The following NEK9 variants were observed in gnomAD, a reference collection of about 807,000 sequenced individuals.
NEK9 encodes the protein serine/threonine-protein kinase Nek9.
In NEK9, 75 loss-of-function variants were observed where a neutral mutation model predicts 123.4. The observed-to-expected ratio is 0.61, with a 90% CI of 0.50 to 0.74. The LOEUF (loss-of-function observed/expected upper bound fraction) is 0.74, where lower values mean the gene tolerates loss of function less well. NEK9 is among the 30% of genes least tolerant of loss of function. NEK9 has a pLI of 0.00. For missense variants in NEK9, 952 were observed against 1,214.4 expected, an observed-to-expected ratio of 0.78 and a Z score of 3.21; for synonymous variants, 438 against 458.7, an observed-to-expected ratio of 0.95 and a Z score of 0.58.
intron 5 of NEK9, among the ~76,000 whole-genome samples, 169 bp downstream of exon 5, chr14:75,118,661 T>C (rs1337685037): frequency 6.6e-6 from 1 of 152,216 alleles, no homozygotes; most frequent in Non-Finnish European, 1.5e-5. Flanking sequence ...ACGTGGGCAA[T>C]GACTTAAATG....
At chr14:75,115,906 T>C (rs1895126451) in intron 6 of NEK9, among the ~76,000 whole-genome samples, 1 of 152,252 alleles carries the variant, frequency 6.6e-6, no homozygotes, top group Non-Finnish European at 1.5e-5. Context: ...AAGGGATTCA[T>C]TGTCCATAAA....
intron 14 of NEK9, among the ~76,000 whole-genome samples, chr14:75,102,272 T>A (rs1232706071): frequency 2.0e-5 from 3 of 152,236 alleles, no homozygotes. Flanking sequence ...AAGTTTAAAA[T>A]TTCACAACAA....
Position 75,126,980 on chromosome 14 carries a change from T to A in NEK9, c.-59A>T, listed in dbSNP as rs1463424314. ...GTATGCCCGGAGGCCCTGGCCGCGCTGCGTCCCGCTCGCTTCAGATGCCGG... is the reference window on the plus strand; with the variant it reads ...GTATGCCCGGAGGCCCTGGCCGCGCAGCGTCCCGCTCGCTTCAGATGCCGG... On this transcript the variant is annotated 5_prime_UTR_variant, in exon 1 of 22. Coordinates refer to ENST00000238616, the MANE Select transcript of NEK9 (RefSeq NM_033116.6). 2.2e-6 allele frequency: 3 copies of A among 1,341,048 alleles called. No homozygotes were observed. The East Asian group carries it at 9.4e-5, about 42-fold the overall frequency. The allele number at this position is 1,341,048 out of a possible 1,614,324, so 83.1% of individuals were successfully genotyped here.
intron 12 of NEK9, 141 bp downstream of exon 12, chr14:75,106,361 G>GAAAAAAAAAAAAAA (rs34426692): frequency 3.8e-6 from 1 of 262,954 alleles, no homozygotes; most frequent in Non-Finnish European, 6.5e-6. Flanking sequence ...TCTGTCTCGA[G>GAAAAAAAAAAAAAA]AAAAAAAAAA....
intron 6 of NEK9, among the ~76,000 whole-genome samples, chr14:75,114,988 CATAT>C (rs1316287017): frequency 1.3e-5 from 2 of 151,578 alleles, no homozygotes; most frequent in Non-Finnish European, 2.9e-5. Context: ...CATATATACA[CATAT>C]ATACACACAT....
intron 18 of NEK9, among the ~76,000 whole-genome samples, chr14:75,092,038 G>A (rs769560337): frequency 2.0e-5 from 3 of 152,038 alleles, no homozygotes; most frequent in Non-Finnish European, 4.4e-5. Context: ...GGAGTGCAGT[G>A]GCCCGATCTT....
rs542364402 is a variant in NEK9 at position 75,111,211 on chromosome 14, C to T, written c.939-840G>A. ...TTCTTGGCCTGGCATGCAAGATTTC[C>T]TACCTATTTTTCCAGACTTCCTTCC... On this transcript the variant is annotated intron_variant, in intron 8 of 21. Transcript: ENST00000238616. 1.2e-4 allele frequency among the ~76,000 whole-genome samples: 18 copies of T among 152,234 alleles called. No homozygotes were observed. In the South Asian group the frequency reaches 2.7e-3, roughly 23 times the overall value.
At chr14:75,096,191 G>A (rs1894375579) in intron 17 of NEK9, among the ~76,000 whole-genome samples, 1 of 150,006 alleles carries the variant, frequency 6.7e-6, no homozygotes, top group Non-Finnish European at 1.5e-5. Context: ...ACTGAGGCAG[G>A]AGAATCGCTT....
rs762726635 is a variant in NEK9 at position 75,101,150 on chromosome 14, C to T, written c.1844G>A (p.Arg615Gln). 8 of 1,613,672 alleles carry T rather than the reference C, an allele frequency of 5.0e-6. No individual in the cohort carries two copies. Among genetic ancestry groups the T allele is most frequent in the South Asian group, 2.2e-5 (2 of 91,038 alleles). ...GKTHTAAIDERGRLLTFGCNK... is the reference protein window; with the variant it reads ...GKTHTAAIDEQGRLLTFGCNK... ...GCAGCCAAAGGTCAGCAGCCGGCCT[C>T]GCTCTGAGAGAGAAGCAAAAAGAAA... The change falls in exon 16 of 22, where the codon CGA becomes CAA. Residue 615 changes from arginine to glutamine, a missense_variant. By Grantham distance (43) the Arg-to-Gln change is conservative. Coordinates refer to ENST00000238616, the MANE Select transcript of NEK9 (RefSeq NM_033116.6).
At chr14:75,117,740 T>TAA (rs1566658576) in intron 5 of NEK9, among the ~76,000 whole-genome samples, 1 of 152,240 alleles carries the variant, frequency 6.6e-6, no homozygotes, top group Admixed American at 6.5e-5. Context: ...ATGTTCTAAC[T>TAA]AAAATACGCG....
rs756001482 is a variant in NEK9 at position 75,109,734 on chromosome 14, T to C, written c.1133A>G (p.Asn378Ser). Residue 378 changes from asparagine to serine, a missense_variant, in exon 10 of 22, where the codon AAT becomes AGT. By Grantham distance (46) the Asn-to-Ser change is conservative (BLOSUM62 1). Transcript: ENST00000238616. ...CACTGTGACCACAGCAAAGTGGGTA[T>C]TCCCTGCACAGACCTGCCGGGCACT... ...GCSARQVCAGNTHFAVVTVEK... is the reference protein window; with the variant it reads ...GCSARQVCAGSTHFAVVTVEK... 3 of 1,614,030 alleles carry C rather than the reference T, an allele frequency of 1.9e-6. No homozygotes were observed. In the South Asian group the frequency reaches 3.3e-5, roughly 18 times the overall value.
intron 16 of NEK9, 84 bp from the exon 17 acceptor site, chr14:75,097,354 C>T: frequency 1.7e-6 from 2 of 1,144,258 alleles, no homozygotes; most frequent in Non-Finnish European, 2.4e-6. Context: ...TATCCTAGAG[C>T]TAGAAAGACT....
At chr14:75,120,406 C>G in intron 4 of NEK9, 104 bp downstream of exon 4, 1 of 704,288 alleles carries the variant, frequency 1.4e-6, no homozygotes, top group South Asian at 1.8e-5. Flanking sequence ...TGGAAAAACT[C>G]TTGGCTGCTT....
At position 75,109,831 on chromosome 14, in the gene NEK9, T is replaced by C. The variant is rs1310890445; in HGVS notation, c.1036A>G (p.Thr346Ala). ...EAPIAVVTSR[T>A]SEVYVWGGGK... ...CCACCCCAAACATAGACTTCACTGGTTCGTGATGTTACTACAGCAATGGGT... is the reference window on the plus strand; with the variant it reads ...CCACCCCAAACATAGACTTCACTGGCTCGTGATGTTACTACAGCAATGGGT... Residue 346 changes from threonine to alanine, a missense_variant, in exon 10 of 22, where the codon ACC becomes GCC. Thr to Ala is a moderately conservative substitution (Grantham distance 58). This residue lies in a region of NEK9 where 698 missense variants were observed against 875.6 expected (regional missense o/e 0.80). Coordinates refer to ENST00000238616, the MANE Select transcript of NEK9 (RefSeq NM_033116.6). 1 of 1,613,884 alleles carries C rather than the reference T, an allele frequency of 6.2e-7. No homozygotes were observed. The highest frequency in any genetic ancestry group is 1.1e-5 in the South Asian group (1 of 91,070).
intron 18 of NEK9, among the ~76,000 whole-genome samples, chr14:75,093,583 A>C (rs943191012): frequency 6.6e-6 from 1 of 152,038 alleles, no homozygotes; most frequent in Non-Finnish European, 1.5e-5. Flanking sequence ...CCTCCCAAGT[A>C]GCTGGGACTA....
At position 75,126,928 on chromosome 14, in the gene NEK9, G is replaced by A. The variant is rs769351689; in HGVS notation, c.-7C>T. 2 of 1,456,566 alleles carry A rather than the reference G, an allele frequency of 1.4e-6. No individual in the cohort carries two copies. Among genetic ancestry groups the A allele is most frequent in the South Asian group, 2.7e-5 (2 of 75,112 alleles). The allele number at this position is 1,456,566 out of a possible 1,614,324, so 90.2% of individuals were successfully genotyped here. On this transcript the variant is annotated 5_prime_UTR_variant, in exon 1 of 22. Coordinates refer to ENST00000238616, the MANE Select transcript of NEK9 (RefSeq NM_033116.6). Reference sequence around the variant, plus strand: ...ACTCGCCCAGCACCGACATGGCGGCGGCCGCGGGCCTTGGGGACCAGCCTG... The same window carrying A: ...ACTCGCCCAGCACCGACATGGCGGCAGCCGCGGGCCTTGGGGACCAGCCTG...
intron 8 of NEK9, 113 bp from the exon 9 acceptor site, chr14:75,110,484 A>G: frequency 1.3e-6 from 1 of 740,814 alleles, no homozygotes; most frequent in Non-Finnish European, 2.3e-6. Context: ...TATGCATCCT[A>G]CAACATCACA....
At chr14:75,095,115 A>G (rs1166444534) in intron 18 of NEK9, among the ~76,000 whole-genome samples, 1 of 152,242 alleles carries the variant, frequency 6.6e-6, no homozygotes, top group African/African-American at 2.4e-5. Context: ...CATAAGTCAT[A>G]TTACAGTACT....
At chr14:75,126,304 T>C (rs376413404) in intron 1 of NEK9, among the ~76,000 whole-genome samples, 1 of 152,058 alleles carries the variant, frequency 6.6e-6, no homozygotes, top group Non-Finnish European at 1.5e-5. Flanking sequence ...TGGAGAACTA[T>C]ATATACAGCA....
Sources: allele counts gnomAD v4.1 joint callset (sites outside exome capture counted in the v4.1 genomes callset), GRCh38; gene constraint gnomAD v4.1.1; regional missense constraint gnomAD v4.1.1; transcripts MANE v1.5; gene names NCBI Gene and HGNC (gene_info 2026-07-23, HGNC 2026-07-21).